The following LRP1B variants were observed in gnomAD, a reference collection of about 807,000 sequenced individuals.
LRP1B encodes low-density lipoprotein receptor-related protein 1B.
In LRP1B, 217 loss-of-function variants were observed where a neutral mutation model predicts 556.6. The observed-to-expected ratio is 0.39, with a 90% CI of 0.35 to 0.44. LRP1B has a LOEUF of 0.44. LRP1B is among the 20% of genes least tolerant of loss of function. LRP1B has a pLI of 1.00. For synonymous variants in LRP1B, 2,047 were observed against 1,865.8 expected, an observed-to-expected ratio of 1.10 and a Z score of -2.50; for missense variants, 5,053 against 5,620.8, an observed-to-expected ratio of 0.90 and a Z score of 3.23.
At chr2:141,590,990 G>T (rs1687314283) in intron 2 of LRP1B, among the ~76,000 whole-genome samples, 1 of 152,020 alleles carries the variant, frequency 6.6e-6, no homozygotes, top group Admixed American at 6.6e-5. Flanking sequence ...TGCCTCCTTG[G>T]CTGTTTTTGA....
At chr2:140,339,981 A>T (rs1181349123) in intron 77 of LRP1B, among the ~76,000 whole-genome samples, 1 of 151,686 alleles carries the variant, frequency 6.6e-6, no homozygotes, top group Non-Finnish European at 1.5e-5. Flanking sequence ...AACTTCTATT[A>T]GACGAAAAAG....
chr2:140,502,931 G>C (rs1689259111), intron 54 of LRP1B, 32 bp downstream of exon 54: 4 of 1,605,002 alleles, frequency 2.5e-6, no homozygotes, highest in Middle Eastern at 1.7e-4. Flanking sequence ...AAACACTTTA[G>C]AGTAAATGCG....
At position 140,583,162 on chromosome 2, in the gene LRP1B, C is replaced by CTTTTTTTT. The variant is rs1220644581; in HGVS notation, c.7194+15461_7194+15468dup. Reference sequence around the variant, plus strand: ...TGAAAGTTTCTATTGACAGTTTCTCCTTTTTTTTCTTTTTTTTTTTTTTTT... The same window carrying CTTTTTTTT: ...TGAAAGTTTCTATTGACAGTTTCTCCTTTTTTTTTTTTTTTTCTTTTTTTTTTTTTTTT... On this transcript the variant is annotated intron_variant, in intron 43 of 90. Transcript: ENST00000389484. Among the ~76,000 whole-genome samples, 46 of 107,804 alleles carry CTTTTTTTT rather than the reference C, an allele frequency of 4.3e-4. 1 individual carries two copies. Among genetic ancestry groups the CTTTTTTTT allele is most frequent in the Admixed American group, 7.4e-4 (7 of 9,454 alleles). The allele number at this position is 107,804 out of a possible 152,430, so 70.7% of individuals were successfully genotyped here. A position where few individuals can be genotyped will look rare whatever the true frequency, so the allele number is the denominator to read the frequency against.
chr2:141,732,567 G>C (rs1007928437), intron 2 of LRP1B, among the ~76,000 whole-genome samples: 2 of 152,042 alleles, frequency 1.3e-5, no homozygotes, highest in African/African-American at 4.8e-5. Flanking sequence ...TTTAGTTCAA[G>C]TAGCTTACCC....
At chr2:141,976,416 C>CA (rs773959906) in intron 1 of LRP1B, among the ~76,000 whole-genome samples, 5 of 152,006 alleles carry the variant, frequency 3.3e-5, no homozygotes, top group Non-Finnish European at 5.9e-5. Context: ...TTCATTTACT[C>CA]AAATTTCAAT....
chr2:140,677,269 A>T (rs1478507365), intron 41 of LRP1B, among the ~76,000 whole-genome samples: 1 of 152,254 alleles, frequency 6.6e-6, no homozygotes, highest in Non-Finnish European at 1.5e-5. Context: ...CTTGTGAAAG[A>T]TGGCAATGAT....
At position 140,833,784 on chromosome 2, in the gene LRP1B, G is replaced by A. The variant is rs74651768; in HGVS notation, c.5209+6207C>T. Among the ~76,000 whole-genome samples the A allele has an allele frequency of 4.9e-3, 742 of 152,156 alleles. 8 individuals carry two copies. The highest frequency in any genetic ancestry group is 0.017 in the African/African-American group (702 of 41,502). ...TGTTTTTCAGAGTCAGCTGGTGAAC[G>A]AACATGTTAGTGTACAAATTTTTTA... On this transcript the variant is annotated intron_variant, in intron 31 of 90. Transcript: ENST00000389484.
chr2:141,802,022 A>T (rs753335705), intron 2 of LRP1B, among the ~76,000 whole-genome samples: 5 of 152,212 alleles, frequency 3.3e-5, no homozygotes, highest in Non-Finnish European at 7.4e-5. Context: ...AGATCAAGAA[A>T]TCTACAAGGT....
intron 90 of LRP1B, among the ~76,000 whole-genome samples, chr2:140,233,590 G>GA (rs962377882): frequency 1.3e-5 from 2 of 151,122 alleles, no homozygotes; most frequent in Non-Finnish European, 1.5e-5. Context: ...CAAAAAGCCA[G>GA]AAAAAAATCT....
chr2:141,725,025 CAATTAA>C (rs1692976246), intron 2 of LRP1B, among the ~76,000 whole-genome samples: 1 of 151,684 alleles, frequency 6.6e-6, no homozygotes, highest in Non-Finnish European at 1.5e-5. Context: ...TTAGGTATAG[CAATTAA>C]AATTAAGTTA....
chr2:140,546,657 G>C (rs6745032), intron 43 of LRP1B, among the ~76,000 whole-genome samples: 1 of 151,780 alleles, frequency 6.6e-6, no homozygotes, highest in South Asian at 2.1e-4. Flanking sequence ...GGTCCCTCCC[G>C]TGACACATGG....
chr2:140,669,040 T>G (rs532544264), intron 41 of LRP1B, among the ~76,000 whole-genome samples: 1 of 152,282 alleles, frequency 6.6e-6, no homozygotes, highest in Admixed American at 6.5e-5. Context: ...AGGCACAGGG[T>G]TTCTAAGAGT....
intron 23 of LRP1B, chr2:140,898,611 G>C (rs1318109254): frequency 2.9e-6 from 1 of 349,488 alleles, no homozygotes; most frequent in Non-Finnish European, 5.6e-6. Context: ...AGTTCACTCT[G>C]TTGAAGAACC....
intron 37 of LRP1B, among the ~76,000 whole-genome samples, chr2:140,703,436 C>T (rs1322544602): frequency 6.6e-6 from 1 of 152,046 alleles, no homozygotes; most frequent in Non-Finnish European, 1.5e-5. Context: ...ATACAGAAAT[C>T]CATGCTTTTA....
chr2:141,869,014 T>C (rs1698498160), intron 1 of LRP1B, among the ~76,000 whole-genome samples: 1 of 152,152 alleles, frequency 6.6e-6, no homozygotes, highest in African/African-American at 2.4e-5. Context: ...GATTTTGTTT[T>C]ATTGCCCTTG....
intron 3 of LRP1B, among the ~76,000 whole-genome samples, chr2:141,465,967 C>A (rs1444144735): frequency 6.6e-6 from 1 of 152,086 alleles, no homozygotes; most frequent in Non-Finnish European, 1.5e-5. Context: ...TGGCTCACTG[C>A]AACCTCTGTC....
chr2:141,036,556 G>T (rs559993157), intron 11 of LRP1B, among the ~76,000 whole-genome samples: 4 of 152,058 alleles, frequency 2.6e-5, no homozygotes, highest in African/African-American at 9.7e-5. Context: ...TAGAAAAGGA[G>T]CAGGGAACCC....
chr2:141,906,651 A>G (rs1699768732), intron 1 of LRP1B, among the ~76,000 whole-genome samples: 1 of 152,038 alleles, frequency 6.6e-6, no homozygotes, highest in South Asian at 2.1e-4. Context: ...CATTAACATC[A>G]CATAAACAGC....
chr2:141,115,772 G>A (rs111405320), intron 7 of LRP1B, among the ~76,000 whole-genome samples: 9,206 of 151,888 alleles, frequency 0.061, 346 homozygotes, highest in South Asian at 0.1. Context: ...GTGAGCCACC[G>A]CGCCCCACCT....
Sources: allele counts gnomAD v4.1 joint callset (sites outside exome capture counted in the v4.1 genomes callset), GRCh38; gene constraint gnomAD v4.1.1; transcripts MANE v1.5; gene names NCBI Gene and HGNC (gene_info 2026-07-23, HGNC 2026-07-21).